The following ZAN variants were observed in gnomAD, a reference collection of about 807,000 sequenced individuals.
ZAN encodes the protein zonadhesin, also known as zonadhesin (gene/pseudogene).
ZAN carries 260 observed loss-of-function variants against 286.2 expected under a neutral mutation model. The ratio of observed to expected loss-of-function variants is 0.91; its 90% CI spans 0.82 to 1.01. The LOEUF (loss-of-function observed/expected upper bound fraction) is 1.01, where lower values mean the gene tolerates loss of function less well. Among genes scored for constraint, ZAN ranks in the 50% least tolerant of loss-of-function variants. ZAN has a pLI of 0.00. For synonymous variants in ZAN, 1,368 were observed against 1,417.5 expected, an observed-to-expected ratio of 0.97 and a Z score of 0.79; for missense variants, 3,410 against 3,639.2, an observed-to-expected ratio of 0.94 and a Z score of 1.62.
chr7:100,775,720 A>G lies in ZAN; in HGVS notation c.6079A>G (p.Ser2027Gly), dbSNP rs754359815. The change falls in exon 33 of 48, where the codon AGT becomes GGT. Residue 2027 changes from serine (S) to glycine (G), a missense_variant. Physicochemically the swap from Ser to Gly is moderately conservative, Grantham distance 56. Around this residue, in one of 7 missense-constraint regions of ZAN, gnomAD observed 1,289 missense variants for 1,314.3 expected, o/e 0.98. Coordinates refer to ENST00000613979, the MANE Select transcript of ZAN (RefSeq NM_003386.3). Reference sequence around the variant, plus strand: ...CGCCATCTCCCAGATCCCTGGGGTCAGTGTCAAGTCCAGCAGCATCTACAG... The same window carrying G: ...CGCCATCTCCCAGATCCCTGGGGTCGGTGTCAAGTCCAGCAGCATCTACAG... ...LPAISQIPGV[S>G]VKSSSIYSIV... The G allele has an allele frequency of 2.0e-5, 32 of 1,613,828 alleles. No homozygotes were observed. Among genetic ancestry groups the G allele is most frequent in the Non-Finnish European group, 2.7e-5 (32 of 1,179,842 alleles).
rs536342153 is a variant in ZAN at position 100,734,942 on chromosome 7, T to C, written c.53+721T>C. ...GGCTCACCCCTGTAATCCCAGCACT[T>C]TGGGAGGCCGAGGCGGGCGGATCAC... On this transcript the variant is annotated intron_variant, in intron 2 of 47. Coordinates refer to ENST00000613979, the MANE Select transcript of ZAN (RefSeq NM_003386.3). Among the ~76,000 whole-genome samples the C allele has an allele frequency of 2.1e-5, 3 of 140,264 alleles. 1 individual carries two copies. The highest frequency in any genetic ancestry group is 3.2e-5 in the Non-Finnish European group (2 of 62,712). 92.0% of individuals were successfully genotyped at this position (140,264 alleles called of 152,430 possible). A position where few individuals can be genotyped will look rare whatever the true frequency, so the allele number is the denominator to read the frequency against.
intron 26 of ZAN, among the ~76,000 whole-genome samples, chr7:100,768,314 A>C (rs927439890): frequency 3.9e-5 from 6 of 152,182 alleles, no homozygotes; most frequent in Non-Finnish European, 7.4e-5. Flanking sequence ...TCTACTAAAA[A>C]TACAAAAATT....
rs369213407 is a variant in ZAN at position 100,786,063 on chromosome 7, T to C, written c.6901T>C (p.Cys2301Arg). The C allele has an allele frequency of 2.4e-4, 394 of 1,613,964 alleles. 1 individual carries two copies. The East Asian group carries it at 7.7e-3, about 32-fold the overall frequency. Residue 2301 changes from cysteine to arginine, a missense_variant, in exon 37 of 48, where the codon TGC becomes CGC. This residue lies in a region of ZAN where 1,289 missense variants were observed against 1,314.3 expected (regional missense o/e 0.98). Transcript: ENST00000613979. ...KCVCTGGAIQ[C>R]GDFRCPSGSH... Reference sequence around the variant, plus strand: ...TGTCTGCACGGGAGGAGCCATTCAGTGCGGGGACTTCCGATGCCCCTCTGG... The same window carrying C: ...TGTCTGCACGGGAGGAGCCATTCAGCGCGGGGACTTCCGATGCCCCTCTGG...
chr7:100,773,819 C>G lies in ZAN; in HGVS notation c.5733C>G (p.Asn1911Lys). ...GCTTCCAGAGCACCTGCAAACCCAA[C>G]CAGATATGCTGGGCCCTGGATGGGC... ...ITCFQSTCKP[N>K]QICWALDGLL... Residue 1911 changes from asparagine (N) to lysine (K), a missense_variant, in exon 31 of 48, where the codon AAC becomes AAG. This residue lies in a region of ZAN where 1,289 missense variants were observed against 1,314.3 expected (regional missense o/e 0.98). Transcript: ENST00000613979. 1.2e-6 allele frequency: 2 copies of G among 1,610,326 alleles called. No individual in the cohort carries two copies. Among genetic ancestry groups the G allele is most frequent in the Non-Finnish European group, 8.5e-7 (1 of 1,178,834 alleles).
rs753265465 is a variant in ZAN, at chr7:100,776,503, G to C, written c.6256G>C (p.Glu2086Gln). The change falls in exon 34 of 48, where the codon GAA becomes CAA. Residue 2086 changes from glutamate (E) to glutamine (Q), a missense_variant. Transcript: ENST00000613979. ...EEDELMMPSD[E>Q]VANSDSEFVN... ...GGACGAACTAATGATGCCCAGCGAT[G>C]AAGTAGCAAATAGTGACAGTGAATT... 1.1e-5 allele frequency: 18 copies of C among 1,589,280 alleles called. No homozygotes were observed. Among genetic ancestry groups the C allele is most frequent in the South Asian group, 3.5e-5 (3 of 86,878 alleles).
At chr7:100,781,552 A>G (rs1009358817) in intron 35 of ZAN, among the ~76,000 whole-genome samples, 7 of 151,348 alleles carry the variant, frequency 4.6e-5, no homozygotes, top group African/African-American at 1.7e-4. Context: ...CAGCTGCCCC[A>G]CAGCTGCTGG....
Position 100,769,316 on chromosome 7 carries a change from A to T in ZAN, c.5154-564A>T, listed in dbSNP as rs148130167. Among the ~76,000 whole-genome samples, 707 of 146,484 alleles carry T rather than the reference A, an allele frequency of 4.8e-3. 7 individuals are homozygous for T. The highest frequency in any genetic ancestry group is 0.017 in the African/African-American group (661 of 39,478). On this transcript the variant is annotated intron_variant, in intron 27 of 47. Transcript: ENST00000613979. ...TCCGTGTTGGCCAGGCTAGTCTCAAACTCCTGACCTCAGGTGATCTGCCTG... is the reference window on the plus strand; with the variant it reads ...TCCGTGTTGGCCAGGCTAGTCTCAATCTCCTGACCTCAGGTGATCTGCCTG...
In ZAN at chr7:100,734,305, G is replaced by C. The variant is rs1584537811; in HGVS notation, c.53+84G>C. 4 of 996,814 alleles carry C rather than the reference G, an allele frequency of 4.0e-6. No homozygotes were observed. In the African/African-American group the frequency reaches 6.8e-5, roughly 17 times the overall value. 61.7% of individuals were successfully genotyped at this position (996,814 alleles called of 1,614,324 possible). On this transcript the variant is annotated intron_variant, in intron 2 of 47. Coordinates refer to ENST00000613979, the MANE Select transcript of ZAN (RefSeq NM_003386.3). ...ATATGGAAGGACAGAGCTGGAGGGG[G>C]CGAGCAGGCTAACTACAAAAGATCT...
Position 100,793,996 on chromosome 7 carries a change from C to T in ZAN, c.7964C>T (p.Thr2655Ile), listed in dbSNP as rs767791781. Residue 2655 changes from threonine (T) to isoleucine (I), a missense_variant, in exon 43 of 48, where the codon ACC becomes ATC. Coordinates refer to ENST00000613979, the MANE Select transcript of ZAN (RefSeq NM_003386.3). ...PEPPLADCGCTSNGIYYQLGS... is the reference protein window; with the variant it reads ...PEPPLADCGCISNGIYYQLGS... The stretch of plus-strand genomic sequence containing the variant: ...CCTCCCCTGGCTGACTGTGGCTGCA[C>T]CAGCAATGGCATCTACTACCAGGTC... 5 of 1,613,506 alleles carry T rather than the reference C, an allele frequency of 3.1e-6. No individual in the cohort carries two copies. Among genetic ancestry groups the T allele is most frequent in the Non-Finnish European group, 4.2e-6 (5 of 1,179,770 alleles).
chr7:100,788,813 C>T (rs903776394), intron 38 of ZAN, among the ~76,000 whole-genome samples: 1 of 152,116 alleles, frequency 6.6e-6, no homozygotes, highest in African/African-American at 2.4e-5. Context: ...ATTATCCTGC[C>T]TCAACCTCCC....
In ZAN at chr7:100,784,691, C is replaced by T. The variant is rs1159100499; in HGVS notation, c.6691C>T (p.Leu2231=). The change falls in exon 36 of 48, where the codon CTG becomes TTG. Residue 2231 remains leucine, a synonymous_variant. Coordinates refer to ENST00000613979, the MANE Select transcript of ZAN (RefSeq NM_003386.3). ...LPSCSPSCWD[L]DGRCEGAKVP... ...CTCCTGCTCACCCTCCTGCTGGGAC[C>T]TGGATGGCCGGTGTGAGGGCGCCAA... The T allele has an allele frequency of 6.2e-7, 1 of 1,613,826 alleles. No individual in the cohort carries two copies. The highest frequency in any genetic ancestry group is 1.3e-5 in the African/African-American group (1 of 74,912).
chr7:100,780,147 C>T (rs1225758620), intron 35 of ZAN, among the ~76,000 whole-genome samples: 1 of 150,938 alleles, frequency 6.6e-6, no homozygotes, highest in Non-Finnish European at 1.5e-5. Flanking sequence ...GAGCCGAGAT[C>T]GCGCCGTTGC....
chr7:100,766,694 G>A (rs1416613820), intron 24 of ZAN, 28 bp downstream of exon 24: 1 of 1,555,920 alleles, frequency 6.4e-7, no homozygotes, highest in Non-Finnish European at 8.7e-7. Flanking sequence ...AAGGTGAGCT[G>A]GGGGCTGCCC....
At position 100,794,216 on chromosome 7, in the gene ZAN, G is replaced by C. The variant is rs373913004; in HGVS notation, c.8083G>C (p.Glu2695Gln). Residue 2695 changes from glutamate to glutamine, a missense_variant, in exon 44 of 48, where the codon GAG (glutamate) becomes CAG (glutamine). Glu to Gln is a conservative substitution (Grantham distance 29, BLOSUM62 2). Transcript: ENST00000613979. Reference sequence around the variant, plus strand: ...TGAGCCCTTCAGCTGCAGAGCGGGGGAGGTCTGCACCCTGGGGAACCACAC... The same window carrying C: ...TGAGCCCTTCAGCTGCAGAGCGGGGCAGGTCTGCACCCTGGGGAACCACAC... ...LCEPFSCRAGEVCTLGNHTQG... is the reference protein window; with the variant it reads ...LCEPFSCRAGQVCTLGNHTQG... 143 of 1,613,622 alleles carry C rather than the reference G, an allele frequency of 8.9e-5. No individual in the cohort carries two copies. The African/African-American group carries it at 1.8e-3, about 20-fold the overall frequency.
In ZAN at chr7:100,772,026, T is replaced by A; in HGVS notation, c.5425+6T>A. ...GCGGAACAGAACCTTCTGCCGTGAG[T>A]GACTGGCCACCTGTTCCCACAGCCC... On this transcript the variant is annotated splice_donor_region_variant and intron_variant, in intron 29 of 47. Transcript: ENST00000613979. 1.3e-6 allele frequency: 2 copies of A among 1,586,820 alleles called. No homozygotes were observed. The highest frequency in any genetic ancestry group is 1.7e-6 in the Non-Finnish European group (2 of 1,167,656).
rs1257826377 is a variant in ZAN at position 100,750,882 on chromosome 7, C to G, written c.1507C>G (p.Gln503Glu). Reference sequence around the variant, plus strand: ...CTCCGTCACCGTCCCCTCAGGACACCAACAGCCCATGCAGGTGAGAGACGG... The same window carrying G: ...CTCCGTCACCGTCCCCTCAGGACACGAACAGCCCATGCAGGTGAGAGACGG... ...NTSVTVPSGH[Q>E]QPMQLIFKGI... The change falls in exon 12 of 48, where the codon CAA becomes GAA. Residue 503 changes from glutamine to glutamate, a missense_variant. This residue lies in a region of ZAN where 872 missense variants were observed against 938.9 expected (regional missense o/e 0.93). Transcript: ENST00000613979. 6.4e-7 allele frequency: 1 copy of G among 1,552,432 alleles called. No homozygotes were observed. Among genetic ancestry groups the G allele is most frequent in the East Asian group, 2.3e-5 (1 of 44,322 alleles).
chr7:100,779,522 G>A lies in ZAN; in HGVS notation c.6394G>A (p.Ala2132Thr). Residue 2132 changes from alanine (A) to threonine (T), a missense_variant, in exon 35 of 48, where the codon GCC (alanine) becomes ACC (threonine). Around this residue, in one of 7 missense-constraint regions of ZAN, gnomAD observed 1,289 missense variants for 1,314.3 expected, o/e 0.98. Coordinates refer to ENST00000613979, the MANE Select transcript of ZAN (RefSeq NM_003386.3). ...GAACCCGAGTGGAAACTGCAGGGCGGCCGACCTCCGCAGGGCGCGGGAAAA... is the reference window on the plus strand; with the variant it reads ...GAACCCGAGTGGAAACTGCAGGGCGACCGACCTCCGCAGGGCGCGGGAAAA... ...QENPSGNCRA[A>T]DLRRAREKCE... The A allele has an allele frequency of 6.2e-7, 1 of 1,612,506 alleles. No homozygotes were observed. Among genetic ancestry groups the A allele is most frequent in the Non-Finnish European group, 8.5e-7 (1 of 1,179,388 alleles).
intron 20 of ZAN, among the ~76,000 whole-genome samples, chr7:100,762,921 T>C (rs760321032): frequency 6.6e-6 from 1 of 151,296 alleles, no homozygotes; most frequent in Non-Finnish European, 1.5e-5. Flanking sequence ...TTGGTAGACA[T>C]GGGGTTCTCA....
At chr7:100,759,621 T>A (rs1809396634) in intron 17 of ZAN, 100 bp from the exon 18 acceptor site, 3 of 1,413,636 alleles carry the variant, frequency 2.1e-6, no homozygotes, top group Non-Finnish European at 2.8e-6. Flanking sequence ...GGTGTCTCGG[T>A]GGCGCTCATC....
Sources: allele counts gnomAD v4.1 joint callset (sites outside exome capture counted in the v4.1 genomes callset), GRCh38; gene constraint gnomAD v4.1.1; regional missense constraint gnomAD v4.1.1; transcripts MANE v1.5; gene names NCBI Gene and HGNC (gene_info 2026-07-23, HGNC 2026-07-21).